Variants in ARFGEF1 observed in about 807,000 individuals in gnomAD.
ARFGEF1 encodes the protein brefeldin A-inhibited guanine nucleotide-exchange protein 1.
Under a neutral mutation model 231.0 loss-of-function variants are expected in ARFGEF1, and 42 were observed. The observed-to-expected ratio is 0.18, with a 90% CI of 0.14 to 0.24. ARFGEF1 has a LOEUF of 0.24. Ranked by LOEUF, ARFGEF1 falls within the 10% of genes least tolerant of loss-of-function variation. The pLI, the probability that ARFGEF1 is intolerant of heterozygous loss-of-function variation, is 1.00. For missense variants in ARFGEF1, 1,345 were observed against 2,192.0 expected, an observed-to-expected ratio of 0.61 and a Z score of 7.72; for synonymous variants, 710 against 732.3, an observed-to-expected ratio of 0.97 and a Z score of 0.49.
chr8:67,308,777 AT>A (rs1460842452), intron 1 of ARFGEF1, among the ~76,000 whole-genome samples: 1 of 152,102 alleles, frequency 6.6e-6, no homozygotes, highest in African/African-American at 2.4e-5. Flanking sequence ...TAATTTTATT[AT>A]TTTAATGGAC....
chr8:67,246,366 A>G (rs1280944103), intron 19 of ARFGEF1, among the ~76,000 whole-genome samples: 1 of 150,696 alleles, frequency 6.6e-6, no homozygotes, highest in Non-Finnish European at 1.5e-5. Context: ...GTTAGGACTC[A>G]AAACAAATCT....
chr8:67,193,418 A>C (rs1010247226), downstream of ARFGEF1: 1 of 1,569,538 alleles, frequency 6.4e-7, no homozygotes, highest in African/African-American at 1.4e-5. Context: ...ATTTGTGAAC[A>C]TATTTTGTGT....
At chr8:67,208,236 C>G (rs1308577186) in intron 34 of ARFGEF1, among the ~76,000 whole-genome samples, 2 of 152,108 alleles carry the variant, frequency 1.3e-5, no homozygotes, top group Non-Finnish European at 2.9e-5. Flanking sequence ...AAGGTCCTTT[C>G]AAGTAGGATA....
chr8:67,264,769 G>A (rs1239671862), intron 14 of ARFGEF1, among the ~76,000 whole-genome samples: 1 of 152,100 alleles, frequency 6.6e-6, no homozygotes, highest in Non-Finnish European at 1.5e-5. Flanking sequence ...CTTCCACTTC[G>A]AAGCCCTCTG....
intron 1 of ARFGEF1, 59 bp from the exon 2 acceptor site, chr8:67,302,525 A>G: frequency 7.9e-7 from 1 of 1,265,072 alleles, no homozygotes; most frequent in Non-Finnish European, 1.1e-6. Context: ...AGACTGAGTA[A>G]TTTCTTAAGT....
In ARFGEF1 at chr8:67,211,633, A is replaced by C. The variant is rs534811160; in HGVS notation, c.4687-18T>G. 5 of 1,388,530 alleles carry C rather than the reference A, an allele frequency of 3.6e-6. No individual in the cohort carries two copies. The highest frequency in any genetic ancestry group is 3.8e-6 in the Non-Finnish European group (4 of 1,040,898). The allele number at this position is 1,388,530 out of a possible 1,614,324, so 86.0% of individuals were successfully genotyped here. On this transcript the variant is annotated intron_variant, in intron 33 of 38. Transcript: ENST00000262215. The stretch of plus-strand genomic sequence containing the variant: ...ATTGTATCCTAATAAATAAAAAAAA[A>C]ATCACTGTAAGTATGGTTAATAAAG...
At chr8:67,199,251 G>C (rs1010132093) in intron 38 of ARFGEF1, 153 bp from the exon 39 acceptor site, 3 of 784,230 alleles carry the variant, frequency 3.8e-6, no homozygotes, top group Non-Finnish European at 5.8e-6. Flanking sequence ...CTGAGAGACA[G>C]AAGTGTTAGA....
chr8:67,205,870 A>G (rs1041396416), intron 34 of ARFGEF1, among the ~76,000 whole-genome samples: 3 of 145,308 alleles, frequency 2.1e-5, no homozygotes, highest in Admixed American at 6.6e-5. Context: ...AAAAATAAAT[A>G]AATAAATAAA....
chr8:67,227,036 T>C (rs964518983), intron 27 of ARFGEF1, 101 bp downstream of exon 27: 67 of 1,107,346 alleles, frequency 6.1e-5, no homozygotes, highest in Non-Finnish European at 8.3e-5. Flanking sequence ...CTTGGTAAAC[T>C]TAAAGGCCAT....
rs548438304 is a variant in ARFGEF1 at position 67,242,339 on chromosome 8, G to A, written c.2851-2049C>T. On this transcript the variant is annotated intron_variant, in intron 19 of 38. Coordinates refer to ENST00000262215, the MANE Select transcript of ARFGEF1 (RefSeq NM_006421.5). ...AGGAAAGGAGAGGGAAGAATAAAGAGGACTTTGTCTTGCATCTCTAAAACC... is the reference window on the plus strand; with the variant it reads ...AGGAAAGGAGAGGGAAGAATAAAGAAGACTTTGTCTTGCATCTCTAAAACC... 2.8e-4 allele frequency among the ~76,000 whole-genome samples: 42 copies of A among 152,314 alleles called. 1 individual carries two copies. The South Asian group carries it at 8.1e-3, about 29-fold the overall frequency.
At chr8:67,184,353 A>C (rs1833837556) in intron 5 of ARFGEF1, among the ~76,000 whole-genome samples, 1 of 152,226 alleles carries the variant, frequency 6.6e-6, no homozygotes, top group African/African-American at 2.4e-5. Context: ...AAATAGAGAA[A>C]ATCAATGAAA....
chr8:67,243,143 A>G (rs1839982285), intron 19 of ARFGEF1, among the ~76,000 whole-genome samples: 2 of 152,232 alleles, frequency 1.3e-5, no homozygotes, highest in South Asian at 2.1e-4. Context: ...TGATACCTCT[A>G]TGAGTCTGCA....
intron 10 of ARFGEF1, among the ~76,000 whole-genome samples, chr8:67,271,045 G>GAAAAAAAAAAAA (rs1563878469): frequency 3.0e-4 from 21 of 69,676 alleles, no homozygotes; most frequent in East Asian, 7.6e-4. Context: ...AAAAAAAAAG[G>GAAAAAAAAAAAA]AAAAAGAAAA....
chr8:67,275,885 A>G (rs1267274532), intron 9 of ARFGEF1, 91 bp downstream of exon 9: 3 of 1,519,682 alleles, frequency 2.0e-6, no homozygotes, highest in Non-Finnish European at 2.7e-6. Context: ...CTATAGGACA[A>G]AAAGAACAAA....
At chr8:67,288,114 G>T in intron 6 of ARFGEF1, 49 bp from the exon 7 acceptor site, 1 of 1,244,710 alleles carries the variant, frequency 8.0e-7, no homozygotes, top group Non-Finnish European at 1.1e-6. Context: ...CTTTTTGGAA[G>T]CTTTTTACTA....
intron 21 of ARFGEF1, 112 bp downstream of exon 21, chr8:67,238,623 T>C (rs1839840007): frequency 2.8e-6 from 4 of 1,438,882 alleles, no homozygotes; most frequent in African/African-American, 1.4e-5. Flanking sequence ...AACGTACTTA[T>C]TCGAAATGTA....
rs139491415 is a variant in ARFGEF1, at chr8:67,179,939, A to G, written c.561-4367T>C. ...AGTGCTTTTATTGGTGAGTATATTT[A>G]TTTTATTAAGGCTATATTGTTTAAA... is the stretch of plus-strand genomic sequence containing the variant. On this transcript the variant is annotated intron_variant, in intron 5 of 5. Coordinates refer to the ARFGEF1 transcript ENST00000518789. 6.2e-3 allele frequency: 8,889 copies of G among 1,424,710 alleles called. 61 individuals carry two copies. The highest frequency in any genetic ancestry group is 9.8e-3 in the Middle Eastern group (56 of 5,708). The allele number at this position is 1,424,710 out of a possible 1,614,324, so 88.3% of individuals were successfully genotyped here. A position where few individuals can be genotyped will look rare whatever the true frequency, so the allele number is the denominator to read the frequency against.
intron 29 of ARFGEF1, among the ~76,000 whole-genome samples, chr8:67,223,052 T>G (rs1311752952): frequency 6.6e-6 from 1 of 152,244 alleles, no homozygotes; most frequent in Non-Finnish European, 1.5e-5. Context: ...ACTAATGCAT[T>G]GCAGAGAACA....
intron 29 of ARFGEF1, among the ~76,000 whole-genome samples, chr8:67,223,501 G>T (rs944565831): frequency 6.6e-5 from 10 of 152,114 alleles, no homozygotes; most frequent in African/African-American, 2.4e-4. Flanking sequence ...ATTTTAAGAT[G>T]GAAGCTAAAT....
Sources: allele counts gnomAD v4.1 joint callset (sites outside exome capture counted in the v4.1 genomes callset), GRCh38; gene constraint gnomAD v4.1.1; transcripts MANE v1.5; gene names NCBI Gene and HGNC (gene_info 2026-07-23, HGNC 2026-07-21).